Variants in CSMD1 observed in about 807,000 individuals in gnomAD.
The protein encoded by CSMD1 is CUB and sushi domain-containing protein 1.
Under a neutral mutation model 417.5 loss-of-function variants are expected in CSMD1, and 213 were observed. The ratio of observed to expected loss-of-function variants is 0.51; its 90% CI spans 0.46 to 0.57. The LOEUF is 0.57. Ranked by LOEUF, CSMD1 falls within the 20% of genes least tolerant of loss-of-function variation. CSMD1 has a pLI of 0.00. For missense variants in CSMD1, 6,923 were observed against 4,529.7 expected, an observed-to-expected ratio of 1.53 and a Z score of -15.17; for synonymous variants, 2,862 against 1,736.8, an observed-to-expected ratio of 1.65 and a Z score of -16.11.
intron 5 of CSMD1, among the ~76,000 whole-genome samples, chr8:3,844,019 C>T (rs550403508): frequency 9.2e-5 from 14 of 152,250 alleles, no homozygotes; most frequent in Non-Finnish European, 1.3e-4. Flanking sequence ...AATATGTAGT[C>T]ATTGTTATTA....
At chr8:4,742,161 G>C (rs1471815162) in intron 1 of CSMD1, among the ~76,000 whole-genome samples, 1 of 150,982 alleles carries the variant, frequency 6.6e-6, no homozygotes, top group Non-Finnish European at 1.5e-5. Context: ...CTCCCGAGTA[G>C]CTGGGACTAC....
At chr8:3,083,638 ATATATATATATTTTTTTTTTTTTTTTT>A (rs1814292191) in intron 49 of CSMD1, among the ~76,000 whole-genome samples, 5 of 21,816 alleles carry the variant, frequency 2.3e-4, no homozygotes, top group Admixed American at 8.5e-4. Context: ...ATATATATAT[ATATATATATATTTTTTTTTTTTTTTTT>A]TTTTTTTTTT....
intron 40 of CSMD1, among the ~76,000 whole-genome samples, chr8:3,149,354 A>T (rs1377559386): frequency 6.6e-6 from 1 of 152,234 alleles, no homozygotes; most frequent in Admixed American, 6.5e-5. Flanking sequence ...GGTGACAAAC[A>T]TTTGGAAGAA....
At chr8:4,652,350 T>G (rs1480726603) in intron 1 of CSMD1, among the ~76,000 whole-genome samples, 1 of 151,196 alleles carries the variant, frequency 6.6e-6, no homozygotes, top group East Asian at 2.0e-4. Flanking sequence ...TCAGTGAAGG[T>G]CTTTTGAAAC....
At chr8:3,661,364 A>G (rs1379138459) in intron 7 of CSMD1, among the ~76,000 whole-genome samples, 4 of 152,034 alleles carry the variant, frequency 2.6e-5, no homozygotes, top group Non-Finnish European at 5.9e-5. Flanking sequence ...ACCTCACTGC[A>G]GATTTCTGTA....
intron 18 of CSMD1, among the ~76,000 whole-genome samples, chr8:3,380,260 G>A (rs538186028): frequency 6.6e-6 from 1 of 152,188 alleles, no homozygotes; most frequent in Non-Finnish European, 1.5e-5. Context: ...AGAGGCTGTG[G>A]AGAAACAGGA....
At chr8:4,462,176 C>G (rs919523505) in intron 2 of CSMD1, among the ~76,000 whole-genome samples, 26 of 151,934 alleles carry the variant, frequency 1.7e-4, no homozygotes, top group Non-Finnish European at 5.9e-5. Flanking sequence ...CACTCAGCCA[C>G]AAAAAGCAAT....
intron 1 of CSMD1, among the ~76,000 whole-genome samples, chr8:4,960,888 A>G (rs930138652): frequency 6.6e-6 from 1 of 152,030 alleles, no homozygotes; most frequent in African/African-American, 2.4e-5. Flanking sequence ...AGATTCCTCA[A>G]CTCCTGAAAT....
chr8:4,477,354 C>T (rs1222521761), intron 2 of CSMD1, among the ~76,000 whole-genome samples: 3 of 151,984 alleles, frequency 2.0e-5, no homozygotes, highest in Non-Finnish European at 2.9e-5. Context: ...TCATGGCAGC[C>T]GAGGGGCTCT....
chr8:3,587,692 C>G (rs974408198), intron 8 of CSMD1, among the ~76,000 whole-genome samples: 2 of 152,098 alleles, frequency 1.3e-5, no homozygotes, highest in Non-Finnish European at 2.9e-5. Flanking sequence ...TGGGAAAATT[C>G]TAGGTAAACA....
intron 15 of CSMD1, among the ~76,000 whole-genome samples, chr8:3,402,527 A>G (rs1812098725): frequency 6.6e-6 from 1 of 152,206 alleles, no homozygotes; most frequent in Admixed American, 6.5e-5. Context: ...CGGAGGCCAT[A>G]AAATTTATAC....
intron 1 of CSMD1, among the ~76,000 whole-genome samples, chr8:4,764,283 G>C (rs185299356): frequency 5.3e-5 from 8 of 152,236 alleles, no homozygotes; most frequent in Admixed American, 6.5e-5. Context: ...TGGGGGTAGA[G>C]GTGAGACTAT....
Position 4,457,790 on chromosome 8 carries a change from C to G in CSMD1, c.303-37725G>C, listed in dbSNP as rs1347685304. ...TTCACTGGCTGCTTCTCCCAAGTCC[C>G]TCTTAGCTGGCTTCTCACCACCTCA... On this transcript the variant is annotated intron_variant, in intron 2 of 69. Transcript: ENST00000635120. Among the ~76,000 whole-genome samples, 4 of 152,132 alleles carry G rather than the reference C, an allele frequency of 2.6e-5. No homozygotes were observed. In the East Asian group the frequency reaches 7.7e-4, roughly 29 times the overall value.
intron 3 of CSMD1, among the ~76,000 whole-genome samples, chr8:4,343,458 T>A (rs921777410): frequency 1.1e-4 from 17 of 152,164 alleles, no homozygotes; most frequent in African/African-American, 4.1e-4. Context: ...GTGATGAATA[T>A]GTTACTTAGC....
intron 37 of CSMD1, among the ~76,000 whole-genome samples, chr8:3,172,654 G>A (rs185222412): frequency 5.9e-5 from 9 of 152,278 alleles, no homozygotes; most frequent in East Asian, 3.9e-4. Flanking sequence ...ACACTTAAGG[G>A]GGGCAGAGAA....
At chr8:3,995,738 G>C (rs1456003410) in intron 5 of CSMD1, among the ~76,000 whole-genome samples, 1 of 152,186 alleles carries the variant, frequency 6.6e-6, no homozygotes, top group East Asian at 1.9e-4. Context: ...CAAGCAAATA[G>C]GACAATATAA....
At chr8:3,501,814 AC>A (rs2117345343) in intron 10 of CSMD1, among the ~76,000 whole-genome samples, 1 of 152,368 alleles carries the variant, frequency 6.6e-6, no homozygotes, top group Non-Finnish European at 1.5e-5. Flanking sequence ...AAATAATTTT[AC>A]TTGTTTTCAC....
chr8:3,491,984 G>C (rs532359492), intron 11 of CSMD1, among the ~76,000 whole-genome samples: 1 of 152,302 alleles, frequency 6.6e-6, no homozygotes, highest in South Asian at 2.1e-4. Flanking sequence ...CAATTTATTG[G>C]TTTACAAGCT....
chr8:4,207,586 T>C (rs960311275), intron 3 of CSMD1, among the ~76,000 whole-genome samples: 1 of 152,080 alleles, frequency 6.6e-6, no homozygotes, highest in Admixed American at 6.6e-5. Context: ...ACTGAAATAT[T>C]AGGTTTAATA....
Sources: gnomAD v4.1 joint callset for allele counts (sites outside exome capture counted in the v4.1 genomes callset) on GRCh38, gnomAD v4.1.1 for gene constraint, MANE v1.5 for transcripts, NCBI Gene and HGNC (gene_info 2026-07-23, HGNC 2026-07-21) for gene names.